Variants in ADGRL3 observed in about 807,000 individuals in gnomAD.
The protein encoded by ADGRL3 is calcium-independent alpha-latrotoxin receptor 3.
In ADGRL3, 62 loss-of-function variants were observed where a neutral mutation model predicts 153.5. That is an observed-to-expected ratio of 0.40 (90% CI 0.33 to 0.50). ADGRL3 has a LOEUF of 0.50. ADGRL3 is among the 20% of genes least tolerant of loss of function. ADGRL3 has a pLI of 0.47. For synonymous variants in ADGRL3, 710 were observed against 672.5 expected (o/e 1.06, Z -0.86); for missense variants, 1,641 against 1,859.4 (o/e 0.88, Z 2.16).
At chr4:61,827,355 C>T (rs2097819518) in intron 9 of ADGRL3, among the ~76,000 whole-genome samples, 1 of 152,244 alleles carries the variant, frequency 6.6e-6, no homozygotes, top group East Asian at 1.9e-4. Flanking sequence ...GCTTCTAGTA[C>T]TCAGTAGGGC....
rs1044725569 is a variant in ADGRL3 at position 61,863,087 on chromosome 4, A to G, written c.1481-29569A>G. ...CAATACTGTGTGACTCCTCTCTGAG[A>G]AGTGCTAGTGGAACCAGATGAACAA... On this transcript the variant is annotated intron_variant, in intron 9 of 26. Transcript: ENST00000683033. Among the ~76,000 whole-genome samples the G allele has an allele frequency of 1.2e-4, 19 of 152,120 alleles. No individual in the cohort carries two copies. In the South Asian group the frequency reaches 1.7e-3, roughly 13 times the overall value.
intron 6 of ADGRL3, among the ~76,000 whole-genome samples, chr4:61,706,036 G>A (rs192487414): frequency 7.9e-4 from 120 of 152,280 alleles, no homozygotes; most frequent in African/African-American, 2.2e-3. Context: ...GCATTGGCTT[G>A]TAATAAGAGA....
In ADGRL3 at chr4:61,541,761, T is replaced by C. The variant is rs146960205; in HGVS notation, c.259+24243T>C. 2.4e-3 allele frequency among the ~76,000 whole-genome samples: 372 copies of C among 152,040 alleles called. 4 individuals carry two copies. The highest frequency in any genetic ancestry group is 8.5e-3 in the African/African-American group (354 of 41,498). ...ATGTGTGGCCTTTCTTTCTCTCTTATCAAAGCAAATAATCTGTAAAGAAAG... is the reference window on the plus strand; with the variant it reads ...ATGTGTGGCCTTTCTTTCTCTCTTACCAAAGCAAATAATCTGTAAAGAAAG... On this transcript the variant is annotated intron_variant, in intron 4 of 26. Transcript: ENST00000683033.
Position 62,037,696 on chromosome 4 carries a change from T to C in ADGRL3, c.3592-35T>C, listed in dbSNP as rs374269122. 17 of 1,612,744 alleles carry C rather than the reference T, an allele frequency of 1.1e-5. No homozygotes were observed. In the East Asian group the frequency reaches 3.8e-4, roughly 36 times the overall value. ...ACTTTTGTTCCTACCTGCAATGAATTACTTGCTAACAGAAGTTAATATTTA... is the reference window on the plus strand; with the variant it reads ...ACTTTTGTTCCTACCTGCAATGAATCACTTGCTAACAGAAGTTAATATTTA... On this transcript the variant is annotated intron_variant, in intron 23 of 26. Transcript: ENST00000683033.
intron 9 of ADGRL3, among the ~76,000 whole-genome samples, chr4:61,838,055 G>A (rs964923301): frequency 2.0e-5 from 3 of 151,936 alleles, no homozygotes; most frequent in South Asian, 2.1e-4. Flanking sequence ...GCAAAAAAAA[G>A]AAAGAGAAAG....
chr4:61,754,623 T>C (rs1318452637), intron 8 of ADGRL3, among the ~76,000 whole-genome samples: 1 of 151,576 alleles, frequency 6.6e-6, no homozygotes, highest in Non-Finnish European at 1.5e-5. Flanking sequence ...TATATATTTA[T>C]TTATTATTAT....
chr4:61,834,725 G>A (rs2097913661), intron 9 of ADGRL3, among the ~76,000 whole-genome samples: 1 of 152,158 alleles, frequency 6.6e-6, no homozygotes, highest in African/African-American at 2.4e-5. Context: ...CATGAGCCAG[G>A]GTGGGGGTCC....
chr4:61,375,381 T>G (rs1192988173), intron 1 of ADGRL3, among the ~76,000 whole-genome samples: 3 of 152,176 alleles, frequency 2.0e-5, no homozygotes, highest in Non-Finnish European at 4.4e-5. Context: ...GTAGAGCATT[T>G]CTGCTTGAAT....
chr4:61,765,767 T>C (rs950938497), intron 8 of ADGRL3, among the ~76,000 whole-genome samples: 2 of 152,074 alleles, frequency 1.3e-5, no homozygotes, highest in Non-Finnish European at 2.9e-5. Context: ...ACTAAGGGCA[T>C]GTTGAGTAAA....
chr4:61,982,806 C>G (rs2099072995), intron 18 of ADGRL3, among the ~76,000 whole-genome samples: 1 of 152,084 alleles, frequency 6.6e-6, no homozygotes, highest in African/African-American at 2.4e-5. Context: ...CATGAATTTT[C>G]CAACACCACC....
chr4:61,281,819 T>C (rs2093734967), intron 1 of ADGRL3, among the ~76,000 whole-genome samples: 1 of 152,172 alleles, frequency 6.6e-6, no homozygotes, highest in South Asian at 2.1e-4. Context: ...AAAAGAACAT[T>C]TTAAAATTGG....
intron 6 of ADGRL3, among the ~76,000 whole-genome samples, chr4:61,699,947 TAC>T (rs563339719): frequency 1.5e-4 from 21 of 143,554 alleles, no homozygotes; most frequent in South Asian, 2.2e-4. Flanking sequence ...AACAAGGAGA[TAC>T]ACACACACAC....
intron 25 of ADGRL3, among the ~76,000 whole-genome samples, chr4:62,061,820 T>C (rs9995299): frequency 0.028 from 4,184 of 152,092 alleles, 205 homozygotes; most frequent in African/African-American, 0.097. Flanking sequence ...TGACTAGTAC[T>C]TCATGGTATG....
At position 61,443,814 on chromosome 4, in the gene ADGRL3, G is replaced by A. The variant is rs114468702; in HGVS notation, c.-173-53307G>A. Among the ~76,000 whole-genome samples the A allele has an allele frequency of 7.0e-3, 1,070 of 152,194 alleles. 16 individuals are homozygous for A. Among genetic ancestry groups the A allele is most frequent in the African/African-American group, 0.025 (1,026 of 41,526 alleles). ...GTTTCATTGTTAGATGAGAGCAATG[G>A]TGGGTAATAGACAAATTCCAATACA... On this transcript the variant is annotated intron_variant, in intron 2 of 26. Coordinates refer to ENST00000683033, the MANE Select transcript of ADGRL3 (RefSeq NM_001387552.1).
In ADGRL3 at chr4:61,225,574, A is replaced by G. The variant is rs72633424; in HGVS notation, c.-240+23809A>G. Among the ~76,000 whole-genome samples the G allele has an allele frequency of 5.3e-5, 8 of 152,194 alleles. No individual in the cohort carries two copies. The East Asian group carries it at 1.2e-3, about 22-fold the overall frequency. ...GTAAGATATGTGAAAATCAGTCCCA[A>G]TACCATAGTCAAGATGTATCTGTGT... On this transcript the variant is annotated intron_variant, in intron 1 of 26. Coordinates refer to ENST00000683033, the MANE Select transcript of ADGRL3 (RefSeq NM_001387552.1).
chr4:61,825,182 G>A (rs1195542802), intron 9 of ADGRL3, among the ~76,000 whole-genome samples: 2 of 152,154 alleles, frequency 1.3e-5, no homozygotes, highest in Admixed American at 6.5e-5. Flanking sequence ...GGAGTCAAAT[G>A]TAAGTACATA....
chr4:61,271,170 G>A (rs947046032), intron 1 of ADGRL3, among the ~76,000 whole-genome samples: 13 of 151,814 alleles, frequency 8.6e-5, no homozygotes, highest in African/African-American at 3.1e-4. Flanking sequence ...CGGGGCCAGG[G>A]AGGAAAAATG....
intron 8 of ADGRL3, among the ~76,000 whole-genome samples, chr4:61,770,724 G>A (rs1393998379): frequency 1.3e-5 from 2 of 151,998 alleles, no homozygotes; most frequent in African/African-American, 4.8e-5. Flanking sequence ...TGTTGCAGCT[G>A]GAATAATAAA....
At chr4:61,851,589 CAAA>C (rs759990537) in intron 9 of ADGRL3, among the ~76,000 whole-genome samples, 14,918 of 53,510 alleles carry the variant, frequency 0.28, 614 homozygotes, top group African/African-American at 0.38. Context: ...GACCATGTCT[CAAA>C]AAAAAAAAAA....
Sources: gnomAD v4.1 joint callset for allele counts (sites outside exome capture counted in the v4.1 genomes callset) on GRCh38, gnomAD v4.1.1 for gene constraint, MANE v1.5 for transcripts, NCBI Gene and HGNC (gene_info 2026-07-23, HGNC 2026-07-21) for gene names.